Variants in SUGCT observed in about 807,000 individuals in gnomAD.
SUGCT encodes the protein succinyl-CoA:glutarate-CoA transferase.
SUGCT carries 41 observed loss-of-function variants against 55.0 expected under a neutral mutation model. The observed-to-expected ratio is 0.74, with a 90% CI of 0.58 to 0.97. SUGCT has a LOEUF of 0.97. SUGCT is among the 50% of genes least tolerant of loss of function. The pLI, the probability that SUGCT is intolerant of heterozygous loss-of-function variation, is 0.00. For missense variants in SUGCT, 568 were observed against 547.8 expected (o/e 1.04, Z -0.37); for synonymous variants, 187 against 200.4 (o/e 0.93, Z 0.56).
At chr7:40,825,106 G>A (rs950517974) in intron 13 of SUGCT, among the ~76,000 whole-genome samples, 5 of 152,202 alleles carry the variant, frequency 3.3e-5, no homozygotes, top group Non-Finnish European at 5.9e-5. Context: ...AGGTTGTGCA[G>A]GAGGTGGGAG....
the SUGCT span, among the ~76,000 whole-genome samples, chr7:41,000,295 C>T: frequency 4.7e-4 from 72 of 152,236 alleles, no homozygotes; most frequent in Admixed American, 4.1e-3. Flanking sequence ...CACACACACA[C>T]GCACACACAC....
intron 11 of SUGCT, among the ~76,000 whole-genome samples, chr7:40,471,727 A>G (rs1790412172): frequency 6.6e-6 from 1 of 152,154 alleles, no homozygotes; most frequent in South Asian, 2.1e-4. Context: ...AGTACTGGAG[A>G]TAACAATCCC....
At chr7:40,989,859 C>A in the SUGCT span, among the ~76,000 whole-genome samples, 1 of 152,154 alleles carries the variant, frequency 6.6e-6, no homozygotes, top group Non-Finnish European at 1.5e-5. Context: ...CTTCTTCAGG[C>A]TATATTTCCA....
At chr7:41,023,157 G>T in the SUGCT span, among the ~76,000 whole-genome samples, 1 of 152,146 alleles carries the variant, frequency 6.6e-6, no homozygotes, top group Non-Finnish European at 1.5e-5. Flanking sequence ...TAGCAATGGT[G>T]CAAACAATGA....
intron 13 of SUGCT, among the ~76,000 whole-genome samples, chr7:40,768,302 C>T (rs932121024): frequency 1.3e-5 from 2 of 152,082 alleles, no homozygotes; most frequent in African/African-American, 4.8e-5. Flanking sequence ...GGGTTCACAG[C>T]AGCAATCTGC....
chr7:40,248,549 C>T (rs1030429356), intron 7 of SUGCT, among the ~76,000 whole-genome samples: 3 of 151,844 alleles, frequency 2.0e-5, no homozygotes, highest in African/African-American at 7.3e-5. Flanking sequence ...TAATTTTCTA[C>T]ATGCGCAATT....
rs555332227 is a variant in SUGCT at position 40,359,165 on chromosome 7, A to C, written c.816+42310A>C. Among the ~76,000 whole-genome samples, 173 of 146,506 alleles carry C rather than the reference A, an allele frequency of 1.2e-3. 1 individual carries two copies. Among genetic ancestry groups the C allele is most frequent in the African/African-American group, 4.5e-3 (166 of 37,302 alleles). Reference sequence around the variant, plus strand: ...TTCTGTCATGTATGTATGTATGTACATGTATGTATGTATGTATGTATGTAT... The same window carrying C: ...TTCTGTCATGTATGTATGTATGTACCTGTATGTATGTATGTATGTATGTAT... On this transcript the variant is annotated intron_variant, in intron 9 of 13. Transcript: ENST00000335693.
chr7:40,628,727 C>CTG (rs111460243), intron 12 of SUGCT, among the ~76,000 whole-genome samples: 2,072 of 147,584 alleles, frequency 0.014, 20 homozygotes, highest in South Asian at 0.035. Flanking sequence ...GTGTTTTGTT[C>CTG]TGTGTGTGTG....
the SUGCT span, among the ~76,000 whole-genome samples, chr7:40,922,872 C>T: frequency 6.6e-6 from 1 of 152,164 alleles, no homozygotes; most frequent in African/African-American, 2.4e-5. Flanking sequence ...TATTTCCTGC[C>T]CTTTGGCTGT....
chr7:40,790,368 C>CT (rs1790250137), intron 13 of SUGCT, among the ~76,000 whole-genome samples: 1 of 152,158 alleles, frequency 6.6e-6, no homozygotes, highest in African/African-American at 2.4e-5. Context: ...TGAGGCCTCC[C>CT]AAGCCCTGTG....
At chr7:40,336,533 T>C (rs1044235293) in intron 9 of SUGCT, among the ~76,000 whole-genome samples, 1 of 152,144 alleles carries the variant, frequency 6.6e-6, no homozygotes, top group African/African-American at 2.4e-5. Context: ...AGTTTATTTG[T>C]GTAGAGGTGT....
At chr7:40,320,357 C>T (rs10268749) in intron 9 of SUGCT, among the ~76,000 whole-genome samples, 84,368 of 151,920 alleles carry the variant, frequency 0.56, 24,758 homozygotes, top group Non-Finnish European at 0.66. Flanking sequence ...CTGGCTGCCT[C>T]GGCCTCCCAA....
chr7:40,836,356 G>C (rs1352412083), intron 13 of SUGCT, among the ~76,000 whole-genome samples: 1 of 152,128 alleles, frequency 6.6e-6, no homozygotes, highest in Admixed American at 6.5e-5. Context: ...GAAATTATCT[G>C]TTCACTTGAT....
chr7:40,275,933 C>T (rs945003349), intron 8 of SUGCT, among the ~76,000 whole-genome samples: 3 of 152,098 alleles, frequency 2.0e-5, no homozygotes, highest in African/African-American at 4.8e-5. Context: ...AAGAAAATAT[C>T]TGATTTGTGC....
chr7:40,366,756 C>G (rs1163597551), intron 9 of SUGCT, among the ~76,000 whole-genome samples: 4 of 151,846 alleles, frequency 2.6e-5, no homozygotes. Flanking sequence ...ATTAAAAAGT[C>G]AGGAAACAAC....
chr7:40,675,672 G>T (rs909303397), intron 12 of SUGCT, among the ~76,000 whole-genome samples: 13 of 152,234 alleles, frequency 8.5e-5, no homozygotes, highest in African/African-American at 2.4e-4. Flanking sequence ...GCTCCATGCA[G>T]AGGTGCTTTC....
intron 12 of SUGCT, among the ~76,000 whole-genome samples, chr7:40,641,072 C>G (rs534829081): frequency 6.6e-6 from 1 of 152,226 alleles, no homozygotes; most frequent in African/African-American, 2.4e-5. Context: ...TATCTCTCTT[C>G]CCCTTCTTAA....
intron 9 of SUGCT, among the ~76,000 whole-genome samples, chr7:40,396,720 A>G (rs1158157942): frequency 6.6e-6 from 1 of 152,208 alleles, no homozygotes; most frequent in Non-Finnish European, 1.5e-5. Flanking sequence ...TTAAATTCAC[A>G]TATATGTGTG....
chr7:40,500,827 TAC>T (rs1424110614), intron 12 of SUGCT, among the ~76,000 whole-genome samples: 13 of 151,928 alleles, frequency 8.6e-5, no homozygotes, highest in East Asian at 1.9e-4. Flanking sequence ...ACCCCCAAAA[TAC>T]AGTTATTTTT....
Sources: gnomAD v4.1 joint callset for allele counts (sites outside exome capture counted in the v4.1 genomes callset) on GRCh38, gnomAD v4.1.1 for gene constraint, MANE v1.5 for transcripts, NCBI Gene and HGNC (gene_info 2026-07-23, HGNC 2026-07-21) for gene names.